VPS26B: variants seen among roughly 807,000 people sequenced by gnomAD.
VPS26B encodes the protein VPS26 retromer complex component B, also known as vacuolar protein sorting-associated protein 26B.
A neutral mutation model predicts 33.3 loss-of-function variants in VPS26B; 10 were observed. The ratio of observed to expected loss-of-function variants is 0.30; its 90% CI spans 0.19 to 0.51. VPS26B has a LOEUF of 0.51. VPS26B is among the 20% of genes least tolerant of loss of function. The probability of loss-of-function intolerance (pLI) is 0.98; values close to 1 mark genes in which losing one functional copy is unlikely to be tolerated. For synonymous variants in VPS26B, 190 were observed against 176.9 expected, an observed-to-expected ratio of 1.07 and a Z score of -0.59; for missense variants, 317 against 452.7, an observed-to-expected ratio of 0.70 and a Z score of 2.72.
rs1467437825 is a variant in VPS26B, at chr11:134,240,978, A to AT, written c.545+827dup. 3.9e-5 allele frequency among the ~76,000 whole-genome samples: 6 copies of AT among 152,190 alleles called. No individual in the cohort carries two copies. In the East Asian group the frequency reaches 1.2e-3, roughly 29 times the overall value. ...TTTATAAAAGTCTTAAAATGACTTT[A>AT]TTTTAACTGGCAAGTTGGGAAGATG... On this transcript the variant is annotated intron_variant, in intron 3 of 5. Transcript: ENST00000281187. This position sits in a 1 kb window ranked among gnomAD's most constrained non-coding sequence, Gnocchi z 4.4.
chr11:134,245,692 G>A lies in VPS26B; in HGVS notation c.*102G>A, dbSNP rs1025146446. ...GGACCTTGTGAGGCTCAGTTGACCCGTTACTTGCAACCTGAAAACAAATCA... is the reference window on the plus strand; with the variant it reads ...GGACCTTGTGAGGCTCAGTTGACCCATTACTTGCAACCTGAAAACAAATCA... On this transcript the variant is annotated 3_prime_UTR_variant, in exon 6 of 6. Transcript: ENST00000281187. The surrounding 1 kb of genome is among the most constrained non-coding windows in gnomAD (Gnocchi z 4.7). The A allele has an allele frequency of 1.9e-5, 26 of 1,372,068 alleles. No individual in the cohort carries two copies. In the South Asian group the frequency reaches 2.1e-4, roughly 11 times the overall value. 85.0% of individuals were successfully genotyped at this position (1,372,068 alleles called of 1,614,324 possible). A position where few individuals can be genotyped will look rare whatever the true frequency, so the allele number is the denominator to read the frequency against.
chr11:134,225,035 G>C lies in VPS26B; in HGVS notation c.-88G>C. The C allele has an allele frequency of 2.3e-6, 3 of 1,284,046 alleles. No homozygotes were observed. Among genetic ancestry groups the C allele is most frequent in the Non-Finnish European group, 3.1e-6 (3 of 979,518 alleles). 79.5% of individuals were successfully genotyped at this position (1,284,046 alleles called of 1,614,324 possible). A position where few individuals can be genotyped will look rare whatever the true frequency, so the allele number is the denominator to read the frequency against. On this transcript the variant is annotated 5_prime_UTR_variant, in exon 1 of 6. Transcript: ENST00000281187. Reference sequence around the variant, plus strand: ...CGGCGGCCGAGCGCGCTCGCGCATCGGGCCCTCTGGCCTTCTTTACCTAGG... The same window carrying C: ...CGGCGGCCGAGCGCGCTCGCGCATCCGGCCCTCTGGCCTTCTTTACCTAGG...
chr11:134,226,450 G>C (rs1189001455), intron 1 of VPS26B, among the ~76,000 whole-genome samples: 1 of 152,126 alleles, frequency 6.6e-6, no homozygotes, highest in Non-Finnish European at 1.5e-5. Context: ...GACAGTAAAA[G>C]GCAGTAATGG....
chr11:134,232,267 G>C (rs952307731), intron 1 of VPS26B, among the ~76,000 whole-genome samples: 3 of 149,356 alleles, frequency 2.0e-5, no homozygotes, highest in African/African-American at 7.4e-5. Flanking sequence ...TTAGGGCCCA[G>C]ACCTCTCGTG....
intron 2 of VPS26B, chr11:134,239,733 C>CG (rs1410558201): frequency 4.1e-6 from 2 of 482,324 alleles, no homozygotes; most frequent in Non-Finnish European, 7.6e-6. Flanking sequence ...ATTCTTGACC[C>CG]GGGGGCATGG....
At chr11:134,230,625 C>T (rs776496185) in intron 1 of VPS26B, among the ~76,000 whole-genome samples, 3 of 152,220 alleles carry the variant, frequency 2.0e-5, no homozygotes, top group Non-Finnish European at 4.4e-5. Flanking sequence ...GTTTACCTGC[C>T]TTTACATCTT....
At chr11:134,234,862 A>T (rs2136048828) in intron 1 of VPS26B, 35 bp from the exon 2 acceptor site, 2 of 1,605,514 alleles carry the variant, frequency 1.2e-6, no homozygotes, top group East Asian at 4.5e-5. Context: ...TCAGGGTCTG[A>T]TAAAGGAGGG....
chr11:134,226,016 T>G (rs1938460278), intron 1 of VPS26B, among the ~76,000 whole-genome samples: 1 of 152,232 alleles, frequency 6.6e-6, no homozygotes, highest in South Asian at 2.1e-4. Flanking sequence ...GTTACCACAT[T>G]TTCTGTTTAA....
Position 134,245,309 on chromosome 11 carries a change from G to A in VPS26B, c.865-135G>A, listed in dbSNP as rs1161942386. 4 of 1,384,766 alleles carry A rather than the reference G, an allele frequency of 2.9e-6. No homozygotes were observed. In the East Asian group the frequency reaches 9.8e-5, roughly 34 times the overall value. The allele number at this position is 1,384,766 out of a possible 1,614,324, so 85.8% of individuals were successfully genotyped here. On this transcript the variant is annotated intron_variant, in intron 5 of 5. Coordinates refer to ENST00000281187, the MANE Select transcript of VPS26B (RefSeq NM_052875.5). This position sits in a 1 kb window ranked among gnomAD's most constrained non-coding sequence, Gnocchi z 4.7. ...CACCAGGGACAGGGAGGTGCTGGCA[G>A]CTGCTGCCTTTGGTGAGAGAGAAGC...
intron 2 of VPS26B, among the ~76,000 whole-genome samples, chr11:134,239,250 G>A (rs1194837975): frequency 6.6e-6 from 1 of 152,108 alleles, no homozygotes; most frequent in African/African-American, 2.4e-5. Flanking sequence ...GGCATATAAG[G>A]TTTGCTCTCC....
chr11:134,226,517 A>G (rs747056893), intron 1 of VPS26B, among the ~76,000 whole-genome samples: 3 of 152,230 alleles, frequency 2.0e-5, no homozygotes, highest in Non-Finnish European at 2.9e-5. Flanking sequence ...TCTAAGCCTT[A>G]TTTAGACTCT....
At chr11:134,235,795 G>C (rs1417006614) in intron 2 of VPS26B, 1 of 152,178 alleles carries the variant, frequency 6.6e-6, no homozygotes, top group Non-Finnish European at 1.5e-5. Flanking sequence ...TGATGCCAAG[G>C]TCTTTTGGGT....
chr11:134,230,382 C>T (rs1348243145), intron 1 of VPS26B, among the ~76,000 whole-genome samples: 1 of 152,178 alleles, frequency 6.6e-6, no homozygotes, highest in East Asian at 1.9e-4. Flanking sequence ...TTTCCCACAT[C>T]TCCTCCCAGA....
At chr11:134,233,519 C>T (rs893049922) in intron 1 of VPS26B, among the ~76,000 whole-genome samples, 1 of 152,186 alleles carries the variant, frequency 6.6e-6, no homozygotes, top group Non-Finnish European at 1.5e-5. Flanking sequence ...GTCAGGAGAT[C>T]GAGACCATCC....
rs1938416391 is a variant in VPS26B at position 134,225,092 on chromosome 11, C to T, written c.-31C>T. ...CGCGCCCCGGTGCGAGGGAGCGGTC[C>T]TTACCGAGACCCGCCCGGCCCGGCG... On this transcript the variant is annotated 5_prime_UTR_variant, in exon 1 of 6. Coordinates refer to ENST00000281187, the MANE Select transcript of VPS26B (RefSeq NM_052875.5). The T allele has an allele frequency of 6.4e-7, 1 of 1,572,228 alleles. No homozygotes were observed. Among genetic ancestry groups the T allele is most frequent in the South Asian group, 1.1e-5 (1 of 87,366 alleles).
chr11:134,229,897 G>A (rs1031822345), intron 1 of VPS26B, among the ~76,000 whole-genome samples: 1 of 152,114 alleles, frequency 6.6e-6, no homozygotes, highest in Non-Finnish European at 1.5e-5. Context: ...TCTCTTTCCA[G>A]CCTCGTCTCC....
chr11:134,224,941 C>T lies in VPS26B; in HGVS notation c.-182C>T. The T allele has an allele frequency of 3.1e-6, 1 of 321,586 alleles. No homozygotes were observed. Among genetic ancestry groups the T allele is most frequent in the Non-Finnish European group, 5.2e-6 (1 of 194,108 alleles). The allele number at this position is 321,586 out of a possible 1,614,324, so 19.9% of individuals were successfully genotyped here. A position where few individuals can be genotyped will look rare whatever the true frequency, so the allele number is the denominator to read the frequency against. ...CCGCCAGCCTCCCCCGGCCGTGCCC[C>T]TCCCCCGTGGAGCCGGCTGTCCGTC... On this transcript the variant is annotated 5_prime_UTR_variant, in exon 1 of 6. Coordinates refer to ENST00000281187, the MANE Select transcript of VPS26B (RefSeq NM_052875.5).
At chr11:134,242,151 C>A (rs1938736229) in intron 3 of VPS26B, among the ~76,000 whole-genome samples, 2 of 152,184 alleles carry the variant, frequency 1.3e-5, no homozygotes, top group South Asian at 4.1e-4. Context: ...CTCTAAGCAT[C>A]CCCTGTAAGA....
chr11:134,238,750 C>T (rs934489489), intron 2 of VPS26B, among the ~76,000 whole-genome samples: 3 of 152,010 alleles, frequency 2.0e-5, no homozygotes, highest in South Asian at 2.1e-4. Context: ...CGCCCGCCAC[C>T]ACGCCCGGCT....
Sources: allele counts gnomAD v4.1 joint callset (sites outside exome capture counted in the v4.1 genomes callset), GRCh38; gene constraint gnomAD v4.1.1; non-coding constraint Gnocchi (gnomAD v3.1); transcripts MANE v1.5; gene names NCBI Gene and HGNC (gene_info 2026-07-23, HGNC 2026-07-21).